Variants in PRKAG2 observed in about 807,000 individuals in gnomAD.
PRKAG2 encodes the protein protein kinase AMP-activated non-catalytic subunit gamma 2.
PRKAG2 carries 26 observed loss-of-function variants against 69.6 expected under a neutral mutation model. That is an observed-to-expected ratio of 0.37 (90% confidence interval 0.27 to 0.52). The LOEUF (loss-of-function observed/expected upper bound fraction) is 0.52. Among genes scored for constraint, PRKAG2 ranks in the 20% least tolerant of loss-of-function variants. PRKAG2 has a pLI of 0.90. For missense variants in PRKAG2, 557 were observed against 740.0 expected (o/e 0.75, Z 2.87); for synonymous variants, 293 against 285.0 (o/e 1.03, Z -0.28).
chr7:151,627,389 G>C (rs1375423952), intron 5 of PRKAG2, among the ~76,000 whole-genome samples: 1 of 152,172 alleles, frequency 6.6e-6, no homozygotes, highest in Admixed American at 6.5e-5. Context: ...ACTTTGGGAG[G>C]CCGAGGCAGG....
At chr7:151,687,865 C>T (rs544731627) in intron 3 of PRKAG2, among the ~76,000 whole-genome samples, 1 of 152,350 alleles carries the variant, frequency 6.6e-6, no homozygotes, top group East Asian at 1.9e-4. Flanking sequence ...AGGTGGGTGC[C>T]TCAGGTCAGA....
At chr7:151,696,595 C>T (rs1260461901) in intron 3 of PRKAG2, among the ~76,000 whole-genome samples, 1 of 152,234 alleles carries the variant, frequency 6.6e-6, no homozygotes, top group Non-Finnish European at 1.5e-5. Context: ...GAAATCACCC[C>T]CAGTTACGAG....
intron 3 of PRKAG2, among the ~76,000 whole-genome samples, chr7:151,730,654 G>T (rs1798777295): frequency 6.6e-6 from 1 of 152,116 alleles, no homozygotes; most frequent in African/African-American, 2.4e-5. Context: ...ACTATGAGGG[G>T]TGAGGAGGAG....
At chr7:151,855,146 A>C (rs34183419) in intron 1 of PRKAG2, among the ~76,000 whole-genome samples, 651 of 5,272 alleles carry the variant, frequency 0.12, 39 homozygotes, top group African/African-American at 0.28. Flanking sequence ...ACACCACCCT[A>C]CACACACACC....
intron 15 of PRKAG2, chr7:151,558,792 T>C: frequency 2.0e-6 from 2 of 985,316 alleles, no homozygotes; most frequent in Non-Finnish European, 2.4e-6. Context: ...GCACCAGCAG[T>C]GATGGGAGGG....
At chr7:151,563,095 T>TTGCC (rs1805447014) in intron 14 of PRKAG2, among the ~76,000 whole-genome samples, 1 of 152,218 alleles carries the variant, frequency 6.6e-6, no homozygotes, top group African/African-American at 2.4e-5. Context: ...CATCTGCTGC[T>TTGCC]GAGTCAAACT....
rs1286229827 is a variant in PRKAG2 at position 151,876,622 on chromosome 7, ACT to A, written c.-4_-3del. 4.4e-6 allele frequency: 7 copies of A among 1,607,784 alleles called. No individual in the cohort carries two copies. The highest frequency in any genetic ancestry group is 1.7e-4 in the Middle Eastern group (1 of 6,060). ...GGTGTCCATAACCGCGCTTCCCATAACTCTAACCAGAAGTTGATTCTGCGAAA... is the reference window on the plus strand; with the variant it reads ...GGTGTCCATAACCGCGCTTCCCATAACTAACCAGAAGTTGATTCTGCGAAA... On this transcript the variant is annotated 5_prime_UTR_variant, in exon 1 of 16. Coordinates refer to ENST00000287878, the MANE Select transcript of PRKAG2 (RefSeq NM_016203.4).
chr7:151,686,999 C>G (rs535577346), intron 3 of PRKAG2, among the ~76,000 whole-genome samples: 2 of 152,230 alleles, frequency 1.3e-5, no homozygotes, highest in African/African-American at 4.8e-5. Flanking sequence ...CGGAAAATAT[C>G]CAGTCTTATA....
chr7:151,616,420 A>C (rs574338174), intron 5 of PRKAG2, among the ~76,000 whole-genome samples: 1 of 152,372 alleles, frequency 6.6e-6, no homozygotes, highest in African/African-American at 2.4e-5. Context: ...AAAATAGTGG[A>C]TAGGAAGCAG....
intron 1 of PRKAG2, among the ~76,000 whole-genome samples, chr7:151,861,526 TCC>T (rs750325531): frequency 5.9e-5 from 3 of 50,798 alleles, no homozygotes; most frequent in Non-Finnish European, 3.9e-5. Context: ...AGACTCTGTC[TCC>T]AAAAAAAAAA....
intron 3 of PRKAG2, among the ~76,000 whole-genome samples, chr7:151,768,483 G>A (rs555150638): frequency 6.6e-6 from 1 of 151,542 alleles, no homozygotes; most frequent in African/African-American, 2.4e-5. Context: ...TTTTTTTTCT[G>A]GAGATAGAGT....
At chr7:151,629,004 C>T (rs1823722513) in intron 5 of PRKAG2, among the ~76,000 whole-genome samples, 1 of 152,138 alleles carries the variant, frequency 6.6e-6, no homozygotes, top group Admixed American at 6.5e-5. Context: ...CACGTGCCAC[C>T]CCCTAAGGCA....
chr7:151,838,020 G>A (rs540701006), intron 1 of PRKAG2, among the ~76,000 whole-genome samples: 8 of 151,294 alleles, frequency 5.3e-5, no homozygotes, highest in African/African-American at 9.7e-5. Flanking sequence ...CCTCGGGAAC[G>A]CGCACAGGAC....
chr7:151,678,394 C>A (rs532377208), intron 3 of PRKAG2, among the ~76,000 whole-genome samples: 11 of 152,098 alleles, frequency 7.2e-5, no homozygotes, highest in African/African-American at 2.7e-4. Flanking sequence ...GTGAGAGGAC[C>A]GGCTCAAGGT....
At chr7:151,797,803 C>G (rs2077633530) in intron 1 of PRKAG2, among the ~76,000 whole-genome samples, 1 of 152,152 alleles carries the variant, frequency 6.6e-6, no homozygotes, top group Non-Finnish European at 1.5e-5. Context: ...CACTTCCATC[C>G]CGGGGTGAGC....
chr7:151,870,693 A>G (rs2080199924), intron 1 of PRKAG2, among the ~76,000 whole-genome samples: 1 of 152,152 alleles, frequency 6.6e-6, no homozygotes, highest in Non-Finnish European at 1.5e-5. Context: ...GGCTCATTCC[A>G]GCCGGATAGA....
chr7:151,798,507 G>A (rs557133951), intron 1 of PRKAG2, among the ~76,000 whole-genome samples: 58 of 152,262 alleles, frequency 3.8e-4, no homozygotes, highest in East Asian at 9.7e-4. Context: ...TAGAGATGGC[G>A]TTTTCCCATG....
chr7:151,623,795 T>TA (rs1270244222), intron 5 of PRKAG2, among the ~76,000 whole-genome samples: 4 of 151,742 alleles, frequency 2.6e-5, no homozygotes, highest in East Asian at 3.8e-4. Context: ...ACACATGCAT[T>TA]AAAAAAAGGG....
chr7:151,606,285 C>G (rs1221525118), intron 5 of PRKAG2, among the ~76,000 whole-genome samples: 1 of 152,144 alleles, frequency 6.6e-6, no homozygotes, highest in East Asian at 1.9e-4. Context: ...GCTTTTTAAG[C>G]TAGGAAAATA....
Sources: gnomAD v4.1 joint callset for allele counts (sites outside exome capture counted in the v4.1 genomes callset) on GRCh38, gnomAD v4.1.1 for gene constraint, MANE v1.5 for transcripts, NCBI Gene and HGNC (gene_info 2026-07-23, HGNC 2026-07-21) for gene names.